NELL1: variants seen among roughly 807,000 people sequenced by gnomAD.
NELL1 encodes protein kinase C-binding protein NELL1.
Under a neutral mutation model 107.4 loss-of-function variants are expected in NELL1, and 76 were observed. The ratio of observed to expected loss-of-function variants is 0.71; its 90% confidence interval spans 0.59 to 0.86. The LOEUF is 0.86. Ranked by LOEUF, NELL1 falls within the 40% of genes least tolerant of loss-of-function variation. The pLI is 0.00. For synonymous variants in NELL1, 353 were observed against 341.2 expected (o/e 1.03, Z -0.38); for missense variants, 1,024 against 1,005.5 (o/e 1.02, Z -0.25).
intron 2 of NELL1, among the ~76,000 whole-genome samples, chr11:20,744,732 T>C (rs529186884): frequency 6.6e-6 from 1 of 152,312 alleles, no homozygotes; most frequent in East Asian, 1.9e-4. Context: ...TTATGCTCCA[T>C]TGGCCAAAGT....
At chr11:21,217,915 T>G (rs1012148286) in intron 13 of NELL1, among the ~76,000 whole-genome samples, 4 of 152,076 alleles carry the variant, frequency 2.6e-5, no homozygotes, top group African/African-American at 9.7e-5. Context: ...GTTACAGGGT[T>G]GGATTTATTA....
intron 15 of NELL1, among the ~76,000 whole-genome samples, chr11:21,377,723 T>C (rs1851513517): frequency 6.6e-6 from 1 of 152,096 alleles, no homozygotes; most frequent in Non-Finnish European, 1.5e-5. Flanking sequence ...GAACTTGATA[T>C]TGGTCTATTC....
intron 10 of NELL1, among the ~76,000 whole-genome samples, chr11:20,946,137 C>A (rs1439915399): frequency 1.3e-5 from 2 of 152,146 alleles, no homozygotes; most frequent in African/African-American, 4.8e-5. Context: ...AGTGGGAGTT[C>A]TTGCCAAACC....
intron 15 of NELL1, among the ~76,000 whole-genome samples, chr11:21,379,652 A>T (rs1199722359): frequency 6.6e-6 from 1 of 152,100 alleles, no homozygotes; most frequent in Non-Finnish European, 1.5e-5. Flanking sequence ...AACAGTCAAA[A>T]TTTTTCTTAG....
At chr11:21,002,256 C>A (rs1376231193) in intron 12 of NELL1, among the ~76,000 whole-genome samples, 1 of 83,904 alleles carries the variant, frequency 1.2e-5, no homozygotes, top group Non-Finnish European at 2.2e-5. Flanking sequence ...AGGCTTTAGA[C>A]TAGAAGAATA....
In NELL1 at chr11:20,936,417, G is replaced by A. The variant is rs572246431; in HGVS notation, c.998-1369G>A. 7.9e-5 allele frequency among the ~76,000 whole-genome samples: 12 copies of A among 152,292 alleles called. No homozygotes were observed. The East Asian group carries it at 1.2e-3, about 15-fold the overall frequency. ...CACAGCATCCACTACAGGGTATGAC[G>A]TTAACTTAGGCATGTCCCTGGACTT... On this transcript the variant is annotated intron_variant, in intron 9 of 19. Coordinates refer to ENST00000357134, the MANE Select transcript of NELL1 (RefSeq NM_006157.5).
chr11:20,782,725 G>C (rs1416113380), intron 2 of NELL1, among the ~76,000 whole-genome samples: 2 of 152,170 alleles, frequency 1.3e-5, no homozygotes, highest in Admixed American at 1.3e-4. Context: ...GGATGTGAGA[G>C]GAGGTCACCA....
intron 12 of NELL1, among the ~76,000 whole-genome samples, chr11:21,061,901 A>G (rs990832950): frequency 2.6e-5 from 4 of 152,150 alleles, no homozygotes; most frequent in African/African-American, 9.7e-5. Context: ...GTTCTTTTCA[A>G]TTAGCTGAAC....
intron 15 of NELL1, among the ~76,000 whole-genome samples, chr11:21,471,675 A>G (rs1009982189): frequency 1.3e-5 from 2 of 152,062 alleles, no homozygotes; most frequent in Non-Finnish European, 2.9e-5. Context: ...TAAAGAAATG[A>G]AGAAAGTAAG....
intron 5 of NELL1, among the ~76,000 whole-genome samples, chr11:20,896,403 C>T (rs1461903451): frequency 1.3e-5 from 2 of 152,080 alleles, no homozygotes; most frequent in Admixed American, 6.5e-5. Context: ...AGGCTGGTTC[C>T]GTGTCTTTGC....
intron 12 of NELL1, among the ~76,000 whole-genome samples, chr11:21,060,500 A>G (rs188740145): frequency 6.6e-6 from 1 of 152,242 alleles, no homozygotes; most frequent in Non-Finnish European, 1.5e-5. Context: ...TAACATTGCA[A>G]CCTAGTTCTC....
chr11:21,485,387 A>G (rs924527374), intron 15 of NELL1, among the ~76,000 whole-genome samples: 5 of 151,930 alleles, frequency 3.3e-5, no homozygotes, highest in Non-Finnish European at 5.9e-5. Context: ...TTCTCCTCCC[A>G]CTGAGAGTGG....
chr11:20,951,172 G>C (rs1851062009), intron 11 of NELL1, among the ~76,000 whole-genome samples: 5 of 152,316 alleles, frequency 3.3e-5, no homozygotes, highest in Admixed American at 3.3e-4. Context: ...GTTAATGAAT[G>C]AATGACATTA....
At chr11:20,856,648 T>A (rs1848886984) in intron 4 of NELL1, among the ~76,000 whole-genome samples, 2 of 152,256 alleles carry the variant, frequency 1.3e-5, no homozygotes, top group Non-Finnish European at 2.9e-5. Context: ...TTTGCTAATA[T>A]CTGCTTTCCA....
Position 20,755,543 on chromosome 11 carries a change from TTTTTTTGTTTTTGTTTTTG to T in NELL1, c.185-28130_185-28112del, listed in dbSNP as rs1564894959. 1.2e-3 allele frequency among the ~76,000 whole-genome samples: 49 copies of T among 39,334 alleles called. 2 individuals are homozygous for T. The highest frequency in any genetic ancestry group is 3.9e-3 in the African/African-American group (48 of 12,342). The allele number at this position is 39,334 out of a possible 152,430, so 25.8% of individuals were successfully genotyped here. ...AAAAAGACCTGTGTGGGTTTTTGTTTTTTTTTGTTTTTGTTTTTGTTTTTTTTTTTTTGAGACAGAATCT... is the reference window on the plus strand; with the variant it reads ...AAAAAGACCTGTGTGGGTTTTTGTTTTTTTTTTTTTTTTGAGACAGAATCT... On this transcript the variant is annotated intron_variant, in intron 2 of 19. Coordinates refer to ENST00000357134, the MANE Select transcript of NELL1 (RefSeq NM_006157.5).
chr11:21,453,631 A>T (rs544630516), intron 15 of NELL1, among the ~76,000 whole-genome samples: 1 of 152,096 alleles, frequency 6.6e-6, no homozygotes, highest in Admixed American at 6.5e-5. Context: ...TGCATTTAAT[A>T]AAATTATTTA....
At chr11:21,109,425 A>G (rs1855053652) in intron 12 of NELL1, among the ~76,000 whole-genome samples, 1 of 152,072 alleles carries the variant, frequency 6.6e-6, no homozygotes, top group South Asian at 2.1e-4. Flanking sequence ...TAGCGTGAAC[A>G]TGGATTTGTG....
rs1196373533 is a variant in NELL1 at position 20,674,396 on chromosome 11, T to C, written c.56-3536T>C. ...TGTGCCAGATGGAGCTGTTGAAGTG[T>C]GAATATAGTTTCCCCGAGTCCTCAT... is the stretch of plus-strand genomic sequence containing the variant. On this transcript the variant is annotated intron_variant, in intron 1 of 19. Coordinates refer to ENST00000357134, the MANE Select transcript of NELL1 (RefSeq NM_006157.5). The C allele has an allele frequency of 5.2e-6, 5 of 966,586 alleles. No individual in the cohort carries two copies. The East Asian group carries it at 1.3e-4, about 25-fold the overall frequency. 59.9% of individuals were successfully genotyped at this position (966,586 alleles called of 1,614,324 possible).
chr11:21,391,767 T>G (rs912326416), intron 15 of NELL1, among the ~76,000 whole-genome samples: 1 of 151,676 alleles, frequency 6.6e-6, no homozygotes, highest in African/African-American at 2.4e-5. Context: ...CTGGAGAAAC[T>G]GGGACTACAT....
Sources: gnomAD v4.1 joint callset for allele counts (sites outside exome capture counted in the v4.1 genomes callset) on GRCh38, gnomAD v4.1.1 for gene constraint, MANE v1.5 for transcripts, NCBI Gene and HGNC (gene_info 2026-07-23, HGNC 2026-07-21) for gene names.